The following CADPS2 variants were observed in gnomAD, a reference collection of about 807,000 sequenced individuals.
CADPS2 encodes calcium-dependent secretion activator 2.
Under a neutral mutation model 172.5 loss-of-function variants are expected in CADPS2, and 93 were observed. The ratio of observed to expected loss-of-function variants is 0.54; its 90% CI spans 0.46 to 0.64. The LOEUF is 0.64. Among genes scored for constraint, CADPS2 ranks in the 30% least tolerant of loss-of-function variants. The pLI is 0.00. For missense variants in CADPS2, 1,420 were observed against 1,565.9 expected, an observed-to-expected ratio of 0.91 and a Z score of 1.57; for synonymous variants, 546 against 555.2, an observed-to-expected ratio of 0.98 and a Z score of 0.23.
chr7:122,322,087 G>A (rs1176360000), intron 29 of CADPS2, among the ~76,000 whole-genome samples: 1 of 152,158 alleles, frequency 6.6e-6, no homozygotes, highest in African/African-American at 2.4e-5. Context: ...TGATAAACAT[G>A]GCATTATTAC....
At chr7:122,778,026 C>G (rs1368726937) in intron 1 of CADPS2, among the ~76,000 whole-genome samples, 1 of 151,854 alleles carries the variant, frequency 6.6e-6, no homozygotes, top group Non-Finnish European at 1.5e-5. Context: ...TTGGAACTTC[C>G]TAGAGACTTC....
At chr7:122,582,618 A>C (rs1563770110) in intron 6 of CADPS2, among the ~76,000 whole-genome samples, 2 of 152,062 alleles carry the variant, frequency 1.3e-5, no homozygotes, top group Non-Finnish European at 2.9e-5. Context: ...CAGAACCAAA[A>C]TAAGGCATAA....
intron 9 of CADPS2, among the ~76,000 whole-genome samples, chr7:122,491,946 G>T (rs906331940): frequency 2.0e-5 from 3 of 152,150 alleles, no homozygotes; most frequent in African/African-American, 7.2e-5. Flanking sequence ...GCTGAGGCGG[G>T]CAGATCACGA....
At chr7:122,464,776 A>G (rs569190671) in intron 14 of CADPS2, among the ~76,000 whole-genome samples, 1 of 152,210 alleles carries the variant, frequency 6.6e-6, no homozygotes, top group African/African-American at 2.4e-5. Flanking sequence ...ATCCCTAAGA[A>G]ACTGCTACAA....
At chr7:122,584,253 T>A (rs992146237) in intron 6 of CADPS2, among the ~76,000 whole-genome samples, 2 of 151,980 alleles carry the variant, frequency 1.3e-5, no homozygotes, top group Non-Finnish European at 2.9e-5. Context: ...GGGAAGATAC[T>A]TGCTAATGAA....
chr7:122,875,564 A>G (rs751180572), intron 1 of CADPS2, among the ~76,000 whole-genome samples: 2 of 152,134 alleles, frequency 1.3e-5, no homozygotes, highest in African/African-American at 2.4e-5. Flanking sequence ...GTGATGAAAA[A>G]CTTAAATTAC....
intron 24 of CADPS2, among the ~76,000 whole-genome samples, chr7:122,382,700 T>A (rs189650136): frequency 8.7e-4 from 133 of 152,146 alleles, no homozygotes; most frequent in African/African-American, 3.1e-3. Flanking sequence ...ATGTCTGTAA[T>A]CCCAGCACTT....
intron 1 of CADPS2, among the ~76,000 whole-genome samples, chr7:122,822,218 G>A (rs1187903607): frequency 5.3e-5 from 8 of 151,456 alleles, no homozygotes; most frequent in Non-Finnish European, 8.8e-5. Flanking sequence ...ATCCTGAGTC[G>A]TCCCAATTCT....
intron 1 of CADPS2, 77 bp from the exon 2 acceptor site, chr7:122,737,145 C>T (rs2092213848): frequency 2.7e-6 from 2 of 743,028 alleles, no homozygotes; most frequent in Non-Finnish European, 4.7e-6. Context: ...ATCATATTTG[C>T]TGTATATTAG....
chr7:122,421,591 C>T (rs950545087), intron 17 of CADPS2, among the ~76,000 whole-genome samples: 5 of 152,136 alleles, frequency 3.3e-5, no homozygotes, highest in South Asian at 4.1e-4. Context: ...TAAGGTACTT[C>T]GCTAGCCACT....
chr7:122,348,828 AG>A (rs1412884864), intron 27 of CADPS2, among the ~76,000 whole-genome samples: 1 of 152,166 alleles, frequency 6.6e-6, no homozygotes, highest in Non-Finnish European at 1.5e-5. Flanking sequence ...TGGTGTATGA[AG>A]GGTAATTATC....
chr7:122,612,477 T>C (rs371559545), intron 6 of CADPS2, among the ~76,000 whole-genome samples: 77 of 152,012 alleles, frequency 5.1e-4, no homozygotes, highest in African/African-American at 1.6e-3. Flanking sequence ...TAGAAATACA[T>C]GTAACAAAAA....
At chr7:122,671,797 A>G (rs892426878) in intron 2 of CADPS2, among the ~76,000 whole-genome samples, 1 of 152,326 alleles carries the variant, frequency 6.6e-6, no homozygotes, top group South Asian at 2.1e-4. Flanking sequence ...TATTTTGGAG[A>G]GTATTTAGCA....
rs142090464 is a variant in CADPS2, at chr7:122,330,544, G to A, written c.3613-4963C>T. On this transcript the variant is annotated intron_variant, in intron 28 of 29. Transcript: ENST00000449022. ...ACCCCACTGAAACTATCATACCTGG[G>A]TTCCATAAAACCAGACCCCCAGGCA... is the stretch of plus-strand genomic sequence containing the variant. Among the ~76,000 whole-genome samples, 10 of 152,246 alleles carry A rather than the reference G, an allele frequency of 6.6e-5. No individual in the cohort carries two copies. The East Asian group carries it at 1.7e-3, about 26-fold the overall frequency.
At chr7:122,467,080 A>G (rs1442627882) in intron 14 of CADPS2, among the ~76,000 whole-genome samples, 4 of 152,204 alleles carry the variant, frequency 2.6e-5, no homozygotes, top group Non-Finnish European at 5.9e-5. Context: ...AAACTCCTCC[A>G]GTAATATTTG....
chr7:122,716,762 G>A (rs1039993009), intron 2 of CADPS2, among the ~76,000 whole-genome samples: 1 of 152,118 alleles, frequency 6.6e-6, no homozygotes, highest in African/African-American at 2.4e-5. Flanking sequence ...ATCATGAGGA[G>A]GGAGTAAAAG....
chr7:122,319,967 A>G lies in CADPS2; in HGVS notation c.*198T>C. 2.1e-6 allele frequency: 1 copy of G among 471,464 alleles called. No individual in the cohort carries two copies. Among genetic ancestry groups the G allele is most frequent in the Non-Finnish European group, 3.5e-6 (1 of 287,636 alleles). The allele number at this position is 471,464 out of a possible 1,614,324, so 29.2% of individuals were successfully genotyped here. A position where few individuals can be genotyped will look rare whatever the true frequency, so the allele number is the denominator to read the frequency against. On this transcript the variant is annotated 3_prime_UTR_variant, in exon 30 of 30. Transcript: ENST00000449022. ...TCTCCAAAAAAACAAACAAACAAAC[A>G]AACAAAAAAAGGAAACAAAAAAACC...
At chr7:122,657,353 T>C (rs139438283) in intron 3 of CADPS2, among the ~76,000 whole-genome samples, 37 of 152,286 alleles carry the variant, frequency 2.4e-4, no homozygotes, top group African/African-American at 7.2e-4. Flanking sequence ...AAGAAAGTCA[T>C]TGGTAGCTTG....
At chr7:122,680,474 G>A (rs919812477) in intron 2 of CADPS2, among the ~76,000 whole-genome samples, 1 of 152,164 alleles carries the variant, frequency 6.6e-6, no homozygotes, top group Non-Finnish European at 1.5e-5. Flanking sequence ...AGCACTTTGG[G>A]AGACCAAGGT....
Sources: allele counts gnomAD v4.1 joint callset (sites outside exome capture counted in the v4.1 genomes callset), GRCh38; gene constraint gnomAD v4.1.1; transcripts MANE v1.5; gene names NCBI Gene and HGNC (gene_info 2026-07-23, HGNC 2026-07-21).